TEX2: variants seen among roughly 807,000 people sequenced by gnomAD.
TEX2 encodes testis-expressed protein 2.
A neutral mutation model predicts 106.9 loss-of-function variants in TEX2; 53 were observed. The observed-to-expected ratio is 0.50, with a 90% CI of 0.40 to 0.62. The LOEUF (loss-of-function observed/expected upper bound fraction) is 0.62, where lower values mean the gene tolerates loss of function less well. Among genes scored for constraint, TEX2 ranks in the 20% least tolerant of loss-of-function variants. The pLI is 0.00. For missense variants in TEX2, 1,207 were observed against 1,379.0 expected (o/e 0.88, Z 1.98); for synonymous variants, 523 against 534.8 (o/e 0.98, Z 0.30).
At chr17:64,162,678 C>T (rs763841093) in intron 7 of TEX2, among the ~76,000 whole-genome samples, 4 of 152,180 alleles carry the variant, frequency 2.6e-5, no homozygotes, top group Non-Finnish European at 5.9e-5. Flanking sequence ...TCCAGCGTCC[C>T]TGCCAGGAGC....
intron 11 of TEX2, 57 bp downstream of exon 11, chr17:64,150,784 G>A: frequency 6.5e-7 from 1 of 1,547,818 alleles, no homozygotes; most frequent in Non-Finnish European, 8.7e-7. Context: ...CAGAACCTCG[G>A]CTAAACCCAG....
At chr17:64,262,523 T>A (rs1300751857) in intron 1 of TEX2, among the ~76,000 whole-genome samples, 4 of 152,200 alleles carry the variant, frequency 2.6e-5, no homozygotes, top group African/African-American at 9.6e-5. Context: ...GTTTCCGTGC[T>A]CAGCAGCCAG....
chr17:64,149,264 A>G (rs2030220369), intron 11 of TEX2, 173 bp from the exon 12 acceptor site: 3 of 658,182 alleles, frequency 4.6e-6, no homozygotes, highest in Admixed American at 3.2e-5. Context: ...GAGTTGAGGA[A>G]TCATACCAGC....
intron 5 of TEX2, among the ~76,000 whole-genome samples, chr17:64,183,063 G>A (rs958472118): frequency 6.6e-6 from 1 of 151,864 alleles, no homozygotes; most frequent in African/African-American, 2.4e-5. Flanking sequence ...GCACTACTAC[G>A]CCCGGCTAAT....
intron 6 of TEX2, among the ~76,000 whole-genome samples, chr17:64,173,877 G>A (rs897463706): frequency 1.3e-5 from 2 of 151,538 alleles, no homozygotes; most frequent in African/African-American, 4.9e-5. Flanking sequence ...ACAGGATTTC[G>A]CTCTGTCACT....
chr17:64,171,201 T>C lies in TEX2; in HGVS notation c.2572-2A>G, dbSNP rs1466863216. The C allele has an allele frequency of 6.2e-7, 1 of 1,613,528 alleles. No individual in the cohort carries two copies. The highest frequency in any genetic ancestry group is 8.5e-7 in the Non-Finnish European group (1 of 1,179,590). On this transcript the variant is annotated splice_acceptor_variant, in intron 6 of 11. Transcript: ENST00000584379. LOFTEE classifies it high-confidence loss of function. ...GAGCTCATTCATAAAGTAGGGGAGC[T>C]AGAGGAAACAAGCAAACAATGAGTG...
At chr17:64,250,323 GTTAGTGAGCAACT>G (rs2034065921) in intron 1 of TEX2, among the ~76,000 whole-genome samples, 1 of 152,226 alleles carries the variant, frequency 6.6e-6, no homozygotes, top group Non-Finnish European at 1.5e-5. Context: ...ATGCTCAGCC[GTTAGTGAGCAACT>G]TTAGTGAGCA....
intron 4 of TEX2, 29 bp from the exon 5 acceptor site, chr17:64,188,444 C>A (rs769236509): frequency 9.9e-6 from 16 of 1,608,208 alleles, no homozygotes; most frequent in Non-Finnish European, 1.4e-5. Context: ...GGGCTATTCA[C>A]ACAATGAAGA....
At chr17:64,211,984 C>T (rs776712470) in intron 2 of TEX2, among the ~76,000 whole-genome samples, 7 of 152,206 alleles carry the variant, frequency 4.6e-5, no homozygotes, top group South Asian at 2.1e-4. Context: ...CCGTCTCAAT[C>T]GACAGATTAG....
chr17:64,147,354 GTGA>G lies in TEX2; in HGVS notation c.*1612_*1614del, dbSNP rs2030086834. 1 of 152,144 alleles carries G rather than the reference GTGA, an allele frequency of 6.6e-6. No individual in the cohort carries two copies. 9.4% of individuals were successfully genotyped at this position (152,144 alleles called of 1,614,324 possible). On this transcript the variant is annotated 3_prime_UTR_variant, in exon 12 of 12. Coordinates refer to ENST00000584379, the MANE Select transcript of TEX2 (RefSeq NM_001288732.2). The stretch of plus-strand genomic sequence containing the variant: ...AGTAAATGAAAGCTGCGATTGCCAG[GTGA>G]GGGCCCCGGTGCTCTGTACTCATTT...
intron 7 of TEX2, among the ~76,000 whole-genome samples, chr17:64,165,441 AC>A (rs2031084940): frequency 6.6e-6 from 1 of 152,140 alleles, no homozygotes; most frequent in Non-Finnish European, 1.5e-5. Context: ...CCCTTCCCAC[AC>A]TAAGCCCTTT....
At chr17:64,252,500 G>GA (rs1339012116) in intron 1 of TEX2, among the ~76,000 whole-genome samples, 2 of 151,990 alleles carry the variant, frequency 1.3e-5, no homozygotes, top group South Asian at 2.1e-4. Flanking sequence ...AGAATTTAAA[G>GA]ATGGGGAGGT....
chr17:64,194,439 TAGA>T (rs2032398898), intron 3 of TEX2, among the ~76,000 whole-genome samples: 1 of 152,210 alleles, frequency 6.6e-6, no homozygotes, highest in South Asian at 2.1e-4. Context: ...CTCACAAAAA[TAGA>T]AGTATATAAT....
intron 1 of TEX2, among the ~76,000 whole-genome samples, chr17:64,260,435 C>T (rs1012201434): frequency 1.1e-4 from 17 of 150,774 alleles, no homozygotes; most frequent in Middle Eastern, 3.4e-3. Flanking sequence ...TCCCAAGGTA[C>T]TGGGATTACA....
chr17:64,218,830 C>CT (rs2033268528), intron 1 of TEX2, among the ~76,000 whole-genome samples: 1 of 152,118 alleles, frequency 6.6e-6, no homozygotes, highest in African/African-American at 2.4e-5. Flanking sequence ...ACTACAGCTA[C>CT]TAGGTAACAG....
intron 6 of TEX2, among the ~76,000 whole-genome samples, chr17:64,172,713 A>C (rs1209984564): frequency 2.0e-5 from 3 of 152,112 alleles, no homozygotes; most frequent in Admixed American, 2.0e-4. Flanking sequence ...CACTCTCCCT[A>C]CGAGTTTTTC....
Position 64,160,947 on chromosome 17 carries a change from G to A in TEX2, c.2672-14C>T, listed in dbSNP as rs2030854614. The A allele has an allele frequency of 3.1e-6, 5 of 1,599,920 alleles. No homozygotes were observed. The Admixed American group carries it at 5.4e-5, about 17-fold the overall frequency. On this transcript the variant is annotated splice_polypyrimidine_tract_variant and intron_variant, in intron 7 of 11. Coordinates refer to ENST00000584379, the MANE Select transcript of TEX2 (RefSeq NM_001288732.2). ...CAATCCAGAGTCCTGGAGAAATGGTGAAAAAACAGAAGGTTTTTTTCCCTC... is the reference window on the plus strand; with the variant it reads ...CAATCCAGAGTCCTGGAGAAATGGTAAAAAAACAGAAGGTTTTTTTCCCTC...
At position 64,212,871 on chromosome 17, in the gene TEX2, G is replaced by A. The variant is rs2033050669; in HGVS notation, c.1347C>T (p.Leu449=). ...TGTCAAGGACCACACCATCTTCCGC[G>A]AGCACCTCTGGCTTGAGAGGAATAT... ...LSDIPLKPEV[L]AEDGVVLDSE... The change falls in exon 2 of 12, where the codon CTC becomes CTT. Residue 449 remains leucine (L), a synonymous_variant. Transcript: ENST00000584379. The A allele has an allele frequency of 2.5e-6, 4 of 1,613,978 alleles. No individual in the cohort carries two copies. Among genetic ancestry groups the A allele is most frequent in the Admixed American group, 1.7e-5 (1 of 59,990 alleles).
chr17:64,171,301 G>T (rs1375923585), intron 6 of TEX2, 102 bp from the exon 7 acceptor site: 1 of 905,546 alleles, frequency 1.1e-6, no homozygotes, highest in East Asian at 2.6e-5. Context: ...CCAAGGTTTT[G>T]GGGACATATC....
Sources: allele counts gnomAD v4.1 joint callset (sites outside exome capture counted in the v4.1 genomes callset), GRCh38; gene constraint gnomAD v4.1.1; transcripts MANE v1.5; gene names NCBI Gene and HGNC (gene_info 2026-07-23, HGNC 2026-07-21).